RBM25: variants seen among roughly 807,000 people sequenced by gnomAD.
RBM25 encodes the protein RNA binding motif protein 25, also known as RNA-binding protein 25.
In RBM25, 19 loss-of-function variants were observed where a neutral mutation model predicts 120.7. The ratio of observed to expected loss-of-function variants is 0.16; its 90% CI spans 0.11 to 0.23. The LOEUF (loss-of-function observed/expected upper bound fraction) is 0.23, where lower values mean the gene tolerates loss of function less well. Among genes scored for constraint, RBM25 ranks in the 10% least tolerant of loss-of-function variants. The probability of loss-of-function intolerance (pLI) is 1.00; values close to 1 mark genes in which losing one functional copy is unlikely to be tolerated. For synonymous variants in RBM25, 390 were observed against 326.7 expected (o/e 1.19, Z -2.09); for missense variants, 605 against 1,041.5 (o/e 0.58, Z 5.77).
At chr14:73,085,662 G>A (rs2140438866) in intron 5 of RBM25, among the ~76,000 whole-genome samples, 1 of 151,706 alleles carries the variant, frequency 6.6e-6, no homozygotes, top group East Asian at 2.0e-4. Context: ...TGCCAGGCAA[G>A]TCTTGAACAC....
At chr14:73,087,976 A>G in intron 5 of RBM25, 25 bp from the exon 6 acceptor site, 2 of 1,596,414 alleles carry the variant, frequency 1.3e-6, no homozygotes, top group Non-Finnish European at 1.7e-6. Flanking sequence ...TTGGTATTTC[A>G]CTAATTGTTT....
chr14:73,103,065 A>G, intron 9 of RBM25, 127 bp from the exon 10 acceptor site: 1 of 1,508,328 alleles, frequency 6.6e-7, no homozygotes, highest in Non-Finnish European at 8.8e-7. Context: ...ACATAAAACC[A>G]CAAGTATTTA....
chr14:73,110,102 A>G (rs1423856775), intron 14 of RBM25, among the ~76,000 whole-genome samples: 2 of 150,734 alleles, frequency 1.3e-5, no homozygotes, highest in Non-Finnish European at 3.0e-5. Context: ...CCAGGCTAGT[A>G]TTAAACTCCT....
At chr14:73,103,909 C>CTG (rs1896108543) in intron 10 of RBM25, among the ~76,000 whole-genome samples, 7 of 71,652 alleles carry the variant, frequency 9.8e-5, no homozygotes, top group Admixed American at 5.1e-4. Context: ...CTGTCTGTCT[C>CTG]TCTCTCTCTC....
At chr14:73,088,464 C>T (rs1027369489) in intron 6 of RBM25, 7 of 498,786 alleles carry the variant, frequency 1.4e-5, no homozygotes, top group Non-Finnish European at 2.7e-5. Context: ...TTCATTAAGG[C>T]AGCTTTGTAA....
chr14:73,093,626 C>T (rs1437564122), intron 6 of RBM25, among the ~76,000 whole-genome samples: 1 of 151,984 alleles, frequency 6.6e-6, no homozygotes, highest in Non-Finnish European at 1.5e-5. Flanking sequence ...CCTGCCTCAA[C>T]CTCTTGAGTA....
chr14:73,082,907 T>TAA lies in RBM25; in HGVS notation c.325-575_325-574dup, dbSNP rs34875952. Among the ~76,000 whole-genome samples, 1,093 of 137,820 alleles carry TAA rather than the reference T, an allele frequency of 7.9e-3. 13 individuals are homozygous for TAA. Among genetic ancestry groups the TAA allele is most frequent in the African/African-American group, 0.022 (833 of 37,478 alleles). The allele number at this position is 137,820 out of a possible 152,430, so 90.4% of individuals were successfully genotyped here. A position where few individuals can be genotyped will look rare whatever the true frequency, so the allele number is the denominator to read the frequency against. ...AAACCCCGTCTCTACTAAAAATAAATAAAAAAAAAAAAACAAAAAACAATT... is the reference window on the plus strand; with the variant it reads ...AAACCCCGTCTCTACTAAAAATAAATAAAAAAAAAAAAAAACAAAAAACAATT... On this transcript the variant is annotated intron_variant, in intron 4 of 18. Transcript: ENST00000261973.
At chr14:73,068,286 G>A (rs1188853308) in intron 1 of RBM25, 5 of 844,342 alleles carry the variant, frequency 5.9e-6, no homozygotes, top group Admixed American at 5.4e-5. Flanking sequence ...TTGGTTTGTG[G>A]GTCACTCTCT....
At chr14:73,109,176 G>A (rs1266094190) in intron 13 of RBM25, 166 bp from the exon 14 acceptor site, 2 of 633,134 alleles carry the variant, frequency 3.2e-6, no homozygotes, top group Non-Finnish European at 5.5e-6. Flanking sequence ...ACATTTACAT[G>A]TAGAGAGCAC....
At chr14:73,070,082 T>A (rs1018088563) in intron 1 of RBM25, among the ~76,000 whole-genome samples, 4 of 152,074 alleles carry the variant, frequency 2.6e-5, no homozygotes, top group Admixed American at 2.6e-4. Flanking sequence ...TTTTTCTTTT[T>A]CTTTTTCTTC....
intron 6 of RBM25, among the ~76,000 whole-genome samples, chr14:73,090,683 TAA>T (rs1339451088): frequency 6.6e-6 from 1 of 152,220 alleles, no homozygotes; most frequent in Non-Finnish European, 1.5e-5. Flanking sequence ...CAGCCCCTTG[TAA>T]CCCATCTCAT....
intron 4 of RBM25, among the ~76,000 whole-genome samples, chr14:73,082,889 G>A (rs142207196): frequency 0.076 from 11,398 of 150,150 alleles, 442 homozygotes; most frequent in Non-Finnish European, 0.09. Context: ...GTGAAACCCC[G>A]TCTCTACTAA....
intron 6 of RBM25, among the ~76,000 whole-genome samples, chr14:73,096,382 G>A (rs1206879250): frequency 6.6e-6 from 1 of 152,120 alleles, no homozygotes; most frequent in Non-Finnish European, 1.5e-5. Context: ...ATAAGCACTC[G>A]TAGAAAGCAA....
chr14:73,084,564 A>T (rs900817217), intron 5 of RBM25, among the ~76,000 whole-genome samples: 3 of 151,174 alleles, frequency 2.0e-5, no homozygotes, highest in African/African-American at 7.3e-5. Context: ...TGTGTTTTTT[A>T]TTTTTTTGGA....
intron 4 of RBM25, among the ~76,000 whole-genome samples, chr14:73,078,174 G>A (rs1407976796): frequency 2.6e-5 from 4 of 152,080 alleles, no homozygotes; most frequent in Non-Finnish European, 4.4e-5. Context: ...GTGGTGGCGT[G>A]TGCCTGTAAT....
intron 18 of RBM25, among the ~76,000 whole-genome samples, chr14:73,119,375 C>T (rs1171115453): frequency 6.6e-6 from 1 of 152,152 alleles, no homozygotes; most frequent in African/African-American, 2.4e-5. Flanking sequence ...ACGTCATTCT[C>T]CTGCCTCAGC....
chr14:73,061,142 C>T (rs1421166879), intron 1 of RBM25, among the ~76,000 whole-genome samples: 2 of 150,608 alleles, frequency 1.3e-5, no homozygotes, highest in African/African-American at 4.9e-5. Flanking sequence ...ACTGTAACCT[C>T]CGCCTCCCGG....
In RBM25 at chr14:73,077,497, C is replaced by T. The variant is rs556341592; in HGVS notation, c.285C>T (p.Ser95=). The stretch of plus-strand genomic sequence containing the variant: ...CCACTGTTTTTGTTGGCAACATTTC[C>T]GAGAAAGCTTCAGACATGCTTATAA... ...PTTTVFVGNI[S]EKASDMLIRQ... The change falls in exon 4 of 19, where the codon TCC becomes TCT. Residue 95 remains serine (S), a synonymous_variant. Coordinates refer to ENST00000261973, the MANE Select transcript of RBM25 (RefSeq NM_021239.3). 55 of 1,613,600 alleles carry T rather than the reference C, an allele frequency of 3.4e-5. No individual in the cohort carries two copies. In the East Asian group the frequency reaches 4.2e-4, roughly 12 times the overall value.
intron 14 of RBM25, 93 bp from the exon 15 acceptor site, chr14:73,110,738 T>C: frequency 6.8e-7 from 1 of 1,462,676 alleles, no homozygotes; most frequent in South Asian, 1.4e-5. Context: ...CTTTTCTCTT[T>C]TCATAAAGAT....
Sources: gnomAD v4.1 joint callset for allele counts (sites outside exome capture counted in the v4.1 genomes callset) on GRCh38, gnomAD v4.1.1 for gene constraint, MANE v1.5 for transcripts, NCBI Gene and HGNC (gene_info 2026-07-23, HGNC 2026-07-21) for gene names.